The following SCFD2 variants were observed in gnomAD, a reference collection of about 807,000 sequenced individuals.
SCFD2 encodes sec1 family domain containing 2.
In SCFD2, 54 loss-of-function variants were observed where a neutral mutation model predicts 58.9. The observed-to-expected ratio is 0.92, with a 90% CI of 0.74 to 1.15. The LOEUF (loss-of-function observed/expected upper bound fraction) is 1.15, where lower values mean the gene tolerates loss of function less well. SCFD2 is among the 50% of genes most tolerant of loss of function. SCFD2 has a pLI of 0.00. For missense variants in SCFD2, 805 were observed against 836.6 expected (o/e 0.96, Z 0.47); for synonymous variants, 321 against 335.9 (o/e 0.96, Z 0.49).
At chr4:53,055,953 C>G (rs1249119631) in intron 5 of SCFD2, among the ~76,000 whole-genome samples, 2 of 152,070 alleles carry the variant, frequency 1.3e-5, no homozygotes, top group African/African-American at 4.8e-5. Context: ...TCATGTGGTT[C>G]TCTCCTAGCC....
At chr4:53,183,211 A>C (rs1048997635) in intron 4 of SCFD2, among the ~76,000 whole-genome samples, 1 of 152,220 alleles carries the variant, frequency 6.6e-6, no homozygotes, top group Non-Finnish European at 1.5e-5. Context: ...ACGTATGTTT[A>C]TATCGGCACT....
At chr4:53,182,228 C>A (rs1727586859) in intron 4 of SCFD2, among the ~76,000 whole-genome samples, 1 of 152,154 alleles carries the variant, frequency 6.6e-6, no homozygotes, top group Non-Finnish European at 1.5e-5. Context: ...AAGCTGGAGG[C>A]ATCATGCTAC....
chr4:53,302,969 T>G (rs1161233377), intron 3 of SCFD2, among the ~76,000 whole-genome samples: 1 of 152,194 alleles, frequency 6.6e-6, no homozygotes, highest in Non-Finnish European at 1.5e-5. Flanking sequence ...ATTAAAGACT[T>G]ACATGTTAGA....
chr4:53,136,060 T>A (rs1725927841), intron 5 of SCFD2, among the ~76,000 whole-genome samples: 1 of 152,194 alleles, frequency 6.6e-6, no homozygotes, highest in Non-Finnish European at 1.5e-5. Flanking sequence ...CTTTTATAAA[T>A]CACAACTGTA....
At chr4:53,344,229 C>T (rs1264821311) in intron 2 of SCFD2, among the ~76,000 whole-genome samples, 1 of 152,124 alleles carries the variant, frequency 6.6e-6, no homozygotes, top group Admixed American at 6.5e-5. Flanking sequence ...TCTCCTTAAG[C>T]TGATAAGCAA....
At chr4:52,990,589 A>G (rs771150369) in intron 5 of SCFD2, among the ~76,000 whole-genome samples, 4 of 152,182 alleles carry the variant, frequency 2.6e-5, no homozygotes, top group Non-Finnish European at 5.9e-5. Flanking sequence ...AACTTTCCCA[A>G]GTGGAAGAAT....
chr4:53,241,456 T>C (rs1035215554), intron 4 of SCFD2, among the ~76,000 whole-genome samples: 1 of 152,046 alleles, frequency 6.6e-6, no homozygotes, highest in African/African-American at 2.4e-5. Flanking sequence ...GCTGTGCCTG[T>C]TTGCAATCCA....
intron 5 of SCFD2, among the ~76,000 whole-genome samples, chr4:52,980,258 A>C (rs561561715): frequency 3.3e-5 from 5 of 152,332 alleles, no homozygotes; most frequent in African/African-American, 1.2e-4. Flanking sequence ...ACATTTGTTA[A>C]TTTGTTTAGT....
At chr4:53,298,140 G>A (rs962886877) in intron 3 of SCFD2, among the ~76,000 whole-genome samples, 1 of 152,152 alleles carries the variant, frequency 6.6e-6, no homozygotes, top group Non-Finnish European at 1.5e-5. Context: ...GCCGAAGCAG[G>A]GCGAGGCATC....
chr4:53,064,510 G>A lies in SCFD2; in HGVS notation c.1561+80823C>T, dbSNP rs563671680. ...ATTATGCCTCATTTTCAAAACTACA[G>A]GCAGCATTACTTACTTTCAATACCA... On this transcript the variant is annotated intron_variant, in intron 5 of 8. Coordinates refer to ENST00000401642, the MANE Select transcript of SCFD2 (RefSeq NM_152540.4). Among the ~76,000 whole-genome samples, 3 of 152,190 alleles carry A rather than the reference G, an allele frequency of 2.0e-5. No homozygotes were observed. The South Asian group carries it at 6.2e-4, about 31-fold the overall frequency.
chr4:52,908,201 T>C (rs1057038701), intron 6 of SCFD2, among the ~76,000 whole-genome samples: 2 of 152,258 alleles, frequency 1.3e-5, no homozygotes, highest in Non-Finnish European at 2.9e-5. Context: ...AGGGAGATGT[T>C]AGTTTGCAAC....
chr4:52,943,139 C>A (rs1720335230), intron 5 of SCFD2, among the ~76,000 whole-genome samples: 1 of 152,154 alleles, frequency 6.6e-6, no homozygotes, highest in Non-Finnish European at 1.5e-5. Context: ...GCTTCTCTGG[C>A]ACTAGTGTCA....
chr4:52,986,527 C>T (rs533011980), intron 5 of SCFD2, among the ~76,000 whole-genome samples: 7 of 113,774 alleles, frequency 6.2e-5, no homozygotes, highest in Non-Finnish European at 8.3e-5. Flanking sequence ...GAGACGGAGT[C>T]TCACTCTGTT....
At chr4:53,078,396 CATA>C (rs1352209796) in intron 5 of SCFD2, among the ~76,000 whole-genome samples, 1 of 152,106 alleles carries the variant, frequency 6.6e-6, no homozygotes, top group African/African-American at 2.4e-5. Flanking sequence ...AGAGCACAGC[CATA>C]ATTAATTAAT....
chr4:53,249,776 G>A (rs1360437825), intron 4 of SCFD2, among the ~76,000 whole-genome samples: 1 of 152,138 alleles, frequency 6.6e-6, no homozygotes, highest in African/African-American at 2.4e-5. Context: ...CACCAGGCCT[G>A]CCCTAAAAGA....
intron 4 of SCFD2, among the ~76,000 whole-genome samples, chr4:53,150,458 T>C (rs1184734955): frequency 6.6e-6 from 1 of 152,216 alleles, no homozygotes. Flanking sequence ...AAAGCATGGT[T>C]CCAAACTGAA....
intron 4 of SCFD2, among the ~76,000 whole-genome samples, chr4:53,177,553 G>A (rs1196743687): frequency 1.3e-5 from 2 of 152,218 alleles, no homozygotes; most frequent in East Asian, 3.8e-4. Flanking sequence ...TGGTCGAATA[G>A]GAACAGCTCC....
chr4:53,004,814 T>C (rs1298322627), intron 5 of SCFD2, among the ~76,000 whole-genome samples: 1 of 152,080 alleles, frequency 6.6e-6, no homozygotes, highest in African/African-American at 2.4e-5. Flanking sequence ...GGAAACTGCT[T>C]ATGGTTGGGG....
chr4:53,306,656 A>G (rs1235058075), intron 3 of SCFD2, among the ~76,000 whole-genome samples: 5 of 152,190 alleles, frequency 3.3e-5, no homozygotes, highest in Non-Finnish European at 7.3e-5. Context: ...AATGAAGGAC[A>G]TGACATGTAC....
Sources: allele counts gnomAD v4.1 joint callset (sites outside exome capture counted in the v4.1 genomes callset), GRCh38; gene constraint gnomAD v4.1.1; transcripts MANE v1.5; gene names NCBI Gene and HGNC (gene_info 2026-07-23, HGNC 2026-07-21).